The following PTPRN2 variants were observed in gnomAD, a reference collection of about 807,000 sequenced individuals.
The protein encoded by PTPRN2 is protein tyrosine phosphatase receptor type N2, also known as receptor-type tyrosine-protein phosphatase N2.
In PTPRN2, 74 loss-of-function variants were observed where a neutral mutation model predicts 118.8. The ratio of observed to expected loss-of-function variants is 0.62; its 90% CI spans 0.52 to 0.76. The LOEUF is 0.76. PTPRN2 is among the 30% of genes least tolerant of loss of function. The pLI, the probability that PTPRN2 is intolerant of heterozygous loss-of-function variation, is 0.00. For synonymous variants in PTPRN2, 641 were observed against 608.0 expected (o/e 1.05, Z -0.80); for missense variants, 1,481 against 1,394.4 (o/e 1.06, Z -0.99).
rs111641578 is a variant in PTPRN2 at position 157,611,850 on chromosome 7, G to A, written c.2345-7775C>T. Reference sequence around the variant, plus strand: ...AGCCGCAGTCATGCTGGGGACACGCGGAGGGAGAGCGCCCGTGTGAAGACG... The same window carrying A: ...AGCCGCAGTCATGCTGGGGACACGCAGAGGGAGAGCGCCCGTGTGAAGACG... On this transcript the variant is annotated intron_variant, in intron 15 of 22. Transcript: ENST00000389418. The surrounding 1 kb of genome is among the most constrained non-coding windows in gnomAD (Gnocchi z 5.9). Among the ~76,000 whole-genome samples the A allele has an allele frequency of 1.8e-4, 26 of 144,078 alleles. No homozygotes were observed. The highest frequency in any genetic ancestry group is 4.8e-4 in the African/African-American group (18 of 37,424). 94.5% of individuals were successfully genotyped at this position (144,078 alleles called of 152,430 possible).
At chr7:157,655,263 T>A (rs1425983586) in intron 14 of PTPRN2, among the ~76,000 whole-genome samples, 2 of 152,222 alleles carry the variant, frequency 1.3e-5, no homozygotes, top group African/African-American at 4.8e-5. Flanking sequence ...GCTGAGTTCC[T>A]CAGTTTCCCC....
chr7:158,155,906 G>A (rs1210480092), intron 6 of PTPRN2, among the ~76,000 whole-genome samples: 1 of 152,106 alleles, frequency 6.6e-6, no homozygotes, highest in African/African-American at 2.4e-5. Context: ...CCAAAACTTG[G>A]GTATTTGCAG....
At chr7:158,130,854 C>A (rs1585542623) in intron 9 of PTPRN2, among the ~76,000 whole-genome samples, 1 of 139,786 alleles carries the variant, frequency 7.2e-6, no homozygotes, top group Non-Finnish European at 1.5e-5. Flanking sequence ...ATCTACCCAA[C>A]ACACACACTC....
intron 11 of PTPRN2, among the ~76,000 whole-genome samples, chr7:158,012,232 A>G (rs987013025): frequency 3.9e-5 from 6 of 152,312 alleles, no homozygotes; most frequent in Admixed American, 2.0e-4. Flanking sequence ...CAATCTGCTC[A>G]GTGAGTGCGT....
rs868006778 is a variant in PTPRN2, at chr7:157,785,269, G to A, written c.1789-102332C>T. On this transcript the variant is annotated intron_variant, in intron 12 of 22. Coordinates refer to ENST00000389418, the MANE Select transcript of PTPRN2 (RefSeq NM_002847.5). The surrounding 1 kb of genome is among the most constrained non-coding windows in gnomAD (Gnocchi z 7.3). The stretch of plus-strand genomic sequence containing the variant: ...GGGTGCGGCCTGCCCTGTCTGGGGC[G>A]CCAAGGCCAGTGGTGTAAATCCACA... Among the ~76,000 whole-genome samples, 2 of 152,168 alleles carry A rather than the reference G, an allele frequency of 1.3e-5. No homozygotes were observed. The highest frequency in any genetic ancestry group is 2.9e-5 in the Non-Finnish European group (2 of 68,034).
chr7:157,970,172 C>T (rs1488008230), intron 11 of PTPRN2, among the ~76,000 whole-genome samples: 1 of 152,218 alleles, frequency 6.6e-6, no homozygotes, highest in South Asian at 2.1e-4. Flanking sequence ...TGGGGCCACA[C>T]TGTTGGAAAT....
chr7:157,746,108 A>G (rs1800914347), intron 12 of PTPRN2, among the ~76,000 whole-genome samples: 2 of 143,174 alleles, frequency 1.4e-5, no homozygotes, highest in African/African-American at 5.2e-5. Flanking sequence ...CAGTCCTCAC[A>G]GGGCCAAGAG....
chr7:158,341,749 G>C (rs200918003), intron 2 of PTPRN2, among the ~76,000 whole-genome samples: 2,989 of 19,146 alleles, frequency 0.16, 113 homozygotes, highest in Admixed American at 0.17. Context: ...CACTCACACC[G>C]ACACTCTCAC....
intron 6 of PTPRN2, among the ~76,000 whole-genome samples, chr7:158,162,977 T>C (rs1822502090): frequency 6.6e-6 from 1 of 152,200 alleles, no homozygotes. Context: ...CCTGGCATTA[T>C]CACAGGGTCC....
chr7:157,568,243 G>A (rs1026157298), intron 21 of PTPRN2, among the ~76,000 whole-genome samples: 1 of 151,958 alleles, frequency 6.6e-6, no homozygotes, highest in Non-Finnish European at 1.5e-5. Flanking sequence ...GACTCCCCAC[G>A]CCGTCTGCGC....
chr7:158,208,746 A>G (rs1827353496), intron 3 of PTPRN2, among the ~76,000 whole-genome samples: 1 of 152,192 alleles, frequency 6.6e-6, no homozygotes, highest in Non-Finnish European at 1.5e-5. Flanking sequence ...TACACAGAAA[A>G]ACACAGAATA....
intron 11 of PTPRN2, among the ~76,000 whole-genome samples, chr7:157,976,097 C>T (rs1228715036): frequency 6.6e-6 from 1 of 152,242 alleles, no homozygotes; most frequent in Non-Finnish European, 1.5e-5. Flanking sequence ...GAGCTGGAAG[C>T]AAAAGCCACC....
intron 12 of PTPRN2, among the ~76,000 whole-genome samples, chr7:157,736,733 G>A (rs1271683356): frequency 2.7e-5 from 4 of 148,610 alleles, no homozygotes; most frequent in East Asian, 3.9e-4. Flanking sequence ...CTTGGTGTCC[G>A]CCCCTGGCCA....
intron 3 of PTPRN2, among the ~76,000 whole-genome samples, chr7:158,257,045 C>T (rs966106541): frequency 6.6e-6 from 1 of 152,196 alleles, no homozygotes; most frequent in Non-Finnish European, 1.5e-5. Context: ...CCTGCTAAGG[C>T]AGACTGAGAG....
chr7:158,035,059 C>A (rs1318977820), intron 11 of PTPRN2, among the ~76,000 whole-genome samples: 2 of 152,230 alleles, frequency 1.3e-5, no homozygotes, highest in Admixed American at 6.5e-5. Flanking sequence ...CAAATCAGAA[C>A]ATGTGGCCTG....
intron 2 of PTPRN2, among the ~76,000 whole-genome samples, chr7:158,320,464 C>A (rs1234635688): frequency 1.3e-5 from 2 of 151,754 alleles, no homozygotes; most frequent in African/African-American, 4.9e-5. Context: ...GTGGCCGTGC[C>A]ATTTTTCACT....
At chr7:158,067,325 G>T (rs556247406) in intron 11 of PTPRN2, among the ~76,000 whole-genome samples, 75 of 152,332 alleles carry the variant, frequency 4.9e-4, no homozygotes, top group Non-Finnish European at 8.4e-4. Flanking sequence ...GCAGGCATTT[G>T]CTGAGTGTCT....
intron 10 of PTPRN2, among the ~76,000 whole-genome samples, chr7:158,108,255 G>T (rs1563444727): frequency 6.7e-6 from 1 of 148,724 alleles, no homozygotes. Flanking sequence ...CCCACAAATA[G>T]CCCCCCCTCA....
At chr7:158,155,107 A>G (rs1272644190) in intron 6 of PTPRN2, among the ~76,000 whole-genome samples, 4 of 152,200 alleles carry the variant, frequency 2.6e-5, no homozygotes, top group Admixed American at 2.0e-4. Flanking sequence ...CAGTGCTCCA[A>G]CTGGGCTCTC....
Sources: gnomAD v4.1 joint callset for allele counts (sites outside exome capture counted in the v4.1 genomes callset) on GRCh38, gnomAD v4.1.1 for gene constraint, Gnocchi (gnomAD v3.1) non-coding constraint, MANE v1.5 for transcripts, NCBI Gene and HGNC (gene_info 2026-07-23, HGNC 2026-07-21) for gene names.